Variants in SGCZ observed in about 807,000 individuals in gnomAD.
SGCZ encodes sarcoglycan zeta, also known as zeta-sarcoglycan.
In SGCZ, 40 loss-of-function variants were observed where a neutral mutation model predicts 41.3. That is an observed-to-expected ratio of 0.97 (90% CI 0.75 to 1.26). SGCZ has a LOEUF of 1.26. Among genes scored for constraint, SGCZ ranks in the 50% most tolerant of loss-of-function variants. The pLI is 0.00. For synonymous variants in SGCZ, 206 were observed against 137.5 expected, an observed-to-expected ratio of 1.50 and a Z score of -3.49; for missense variants, 552 against 369.8, an observed-to-expected ratio of 1.49 and a Z score of -4.04.
intron 1 of SGCZ, among the ~76,000 whole-genome samples, chr8:14,632,243 G>A (rs1297503690): frequency 6.6e-6 from 1 of 151,812 alleles, no homozygotes; most frequent in Non-Finnish European, 1.5e-5. Flanking sequence ...CGCTTGTCTT[G>A]AACTCCTGAG....
chr8:15,086,772 A>G (rs117486121), intron 1 of SGCZ, among the ~76,000 whole-genome samples: 5,886 of 152,096 alleles, frequency 0.039, 145 homozygotes, highest in Non-Finnish European at 0.057. Flanking sequence ...ATTCTTTACA[A>G]CTCACTGAAG....
At chr8:15,015,806 C>T (rs535952301) in intron 1 of SGCZ, among the ~76,000 whole-genome samples, 1 of 145,562 alleles carries the variant, frequency 6.9e-6, no homozygotes, top group Admixed American at 7.0e-5. Flanking sequence ...GTTCTGATAT[C>T]AGTTTCCAAT....
At chr8:14,855,967 A>C (rs953630234) in intron 1 of SGCZ, among the ~76,000 whole-genome samples, 2 of 152,242 alleles carry the variant, frequency 1.3e-5, no homozygotes, top group African/African-American at 4.8e-5. Flanking sequence ...CAGTGATAAC[A>C]AACAATGCTA....
intron 2 of SGCZ, among the ~76,000 whole-genome samples, chr8:14,538,098 G>A (rs937803079): frequency 6.6e-6 from 1 of 151,882 alleles, no homozygotes; most frequent in East Asian, 1.9e-4. Flanking sequence ...TATATGTATA[G>A]ATGTTCTATC....
intron 1 of SGCZ, among the ~76,000 whole-genome samples, chr8:15,068,889 G>T (rs1485396817): frequency 6.6e-6 from 1 of 152,126 alleles, no homozygotes; most frequent in African/African-American, 2.4e-5. Flanking sequence ...TTTCTGTATA[G>T]TATTAAGTTT....
intron 1 of SGCZ, among the ~76,000 whole-genome samples, chr8:15,196,099 T>A (rs912717933): frequency 2.7e-5 from 4 of 148,684 alleles, no homozygotes; most frequent in African/African-American, 1.0e-4. Flanking sequence ...GGGTTTCACC[T>A]TGTTAGCCAG....
At chr8:14,519,333 A>T (rs151044562) in intron 2 of SGCZ, among the ~76,000 whole-genome samples, 1 of 152,110 alleles carries the variant, frequency 6.6e-6, no homozygotes, top group African/African-American at 2.4e-5. Context: ...GATAAAATAC[A>T]TGCCATACCA....
chr8:14,581,932 G>T (rs191151790), intron 1 of SGCZ, among the ~76,000 whole-genome samples: 8 of 152,178 alleles, frequency 5.3e-5, no homozygotes, highest in African/African-American at 1.7e-4. Flanking sequence ...AAGTTAGAGT[G>T]AGTGTGCCTG....
At chr8:14,424,173 A>C (rs1334459888) in intron 2 of SGCZ, among the ~76,000 whole-genome samples, 1 of 152,210 alleles carries the variant, frequency 6.6e-6, no homozygotes, top group Non-Finnish European at 1.5e-5. Context: ...AGTTGAGAAA[A>C]ATAAGCTGTG....
rs935453925 is a variant in SGCZ, at chr8:14,874,030, C to T, written c.40-319104G>A. Among the ~76,000 whole-genome samples the T allele has an allele frequency of 4.6e-5, 7 of 151,890 alleles. 1 individual carries two copies. The highest frequency in any genetic ancestry group is 3.9e-4 in the Admixed American group (6 of 15,226). On this transcript the variant is annotated intron_variant, in intron 1 of 7. Coordinates refer to ENST00000382080, the MANE Select transcript of SGCZ (RefSeq NM_139167.4). ...AAAAATAATTACGATGACTGAAAACCATGGAAAACTGTGATTTACTTTTAG... is the reference window on the plus strand; with the variant it reads ...AAAAATAATTACGATGACTGAAAACTATGGAAAACTGTGATTTACTTTTAG...
chr8:14,669,129 G>A (rs911402136), intron 1 of SGCZ, among the ~76,000 whole-genome samples: 3 of 151,834 alleles, frequency 2.0e-5, no homozygotes, highest in African/African-American at 7.3e-5. Context: ...GAGCTCAGGA[G>A]TCCAACACCA....
chr8:14,231,810 A>G (rs1473447384), intron 4 of SGCZ, among the ~76,000 whole-genome samples: 2 of 152,146 alleles, frequency 1.3e-5, no homozygotes, highest in Admixed American at 1.3e-4. Flanking sequence ...TTTGTTTCTC[A>G]TAAGATCATA....
rs146163978 is a variant in SGCZ, at chr8:14,365,422, G to A, written c.235-41218C>T. On this transcript the variant is annotated intron_variant, in intron 2 of 7. Transcript: ENST00000382080. ...CTCAGTCAACTAACAAAGGTTTGAT[G>A]TATCATCTCATTTACATATTGGTTG... Among the ~76,000 whole-genome samples the A allele has an allele frequency of 2.6e-5, 4 of 152,152 alleles. 1 individual carries two copies. Among genetic ancestry groups the A allele is most frequent in the African/African-American group, 9.6e-5 (4 of 41,542 alleles).
intron 5 of SGCZ, among the ~76,000 whole-genome samples, chr8:14,130,019 A>C (rs954911315): frequency 6.6e-6 from 1 of 152,224 alleles, no homozygotes; most frequent in Non-Finnish European, 1.5e-5. Context: ...ATTATCAGTC[A>C]AAATAATCTT....
At chr8:14,675,175 C>T (rs112784583) in intron 1 of SGCZ, among the ~76,000 whole-genome samples, 1 of 151,532 alleles carries the variant, frequency 6.6e-6, no homozygotes, top group African/African-American at 2.4e-5. Context: ...CTCCTGATCT[C>T]GTGATCTGCC....
intron 1 of SGCZ, among the ~76,000 whole-genome samples, chr8:14,832,072 C>T (rs543716638): frequency 2.2e-4 from 33 of 152,154 alleles, no homozygotes; most frequent in East Asian, 1.4e-3. Context: ...TCAATGAAAA[C>T]GACAATAATA....
intron 1 of SGCZ, among the ~76,000 whole-genome samples, chr8:14,884,302 G>T (rs1804705670): frequency 6.6e-6 from 1 of 152,096 alleles, no homozygotes; most frequent in Non-Finnish European, 1.5e-5. Context: ...ACCTTATTGG[G>T]CTGAGTATAT....
chr8:15,209,268 C>A (rs1042998360), intron 1 of SGCZ, among the ~76,000 whole-genome samples: 1 of 151,964 alleles, frequency 6.6e-6, no homozygotes, highest in Non-Finnish European at 1.5e-5. Flanking sequence ...AAACTTTGAA[C>A]GTTCTTTCAC....
chr8:14,826,518 C>T (rs1450449329), intron 1 of SGCZ, among the ~76,000 whole-genome samples: 4 of 152,124 alleles, frequency 2.6e-5, no homozygotes, highest in Non-Finnish European at 2.9e-5. Context: ...CACTGACTTC[C>T]ACAATGGTTG....
Sources: gnomAD v4.1 joint callset for allele counts (sites outside exome capture counted in the v4.1 genomes callset) on GRCh38, gnomAD v4.1.1 for gene constraint, MANE v1.5 for transcripts, NCBI Gene and HGNC (gene_info 2026-07-23, HGNC 2026-07-21) for gene names.